Variants in KIRREL3 observed in about 807,000 individuals in gnomAD.
The protein encoded by KIRREL3 is kin of IRRE-like protein 3.
Under a neutral mutation model 89.7 loss-of-function variants are expected in KIRREL3, and 36 were observed. The ratio of observed to expected loss-of-function variants is 0.40; its 90% CI spans 0.31 to 0.53. The LOEUF is 0.53. Among genes scored for constraint, KIRREL3 ranks in the 20% least tolerant of loss-of-function variants. The probability of loss-of-function intolerance (pLI) is 0.49; values close to 1 mark genes in which losing one functional copy is unlikely to be tolerated. For synonymous variants in KIRREL3, 445 were observed against 441.4 expected (o/e 1.01, Z -0.10); for missense variants, 864 against 1,056.6 (o/e 0.82, Z 2.53).
rs1330585801 is a variant in KIRREL3 at position 126,768,509 on chromosome 11, A to G, written c.56-205597T>C. ...GACAGACAATAAAAAGACTAGACAT[A>G]CACAAGACAGATTCCAACAGTCAGA... On this transcript the variant is annotated intron_variant, in intron 1 of 16. Transcript: ENST00000525144. This position sits in a 1 kb window ranked among gnomAD's most constrained non-coding sequence, Gnocchi z 4.5. Among the ~76,000 whole-genome samples the G allele has an allele frequency of 6.6e-6, 1 of 152,246 alleles. No homozygotes were observed. Among genetic ancestry groups the G allele is most frequent in the African/African-American group, 2.4e-5 (1 of 41,456 alleles).
chr11:126,951,083 C>T (rs1028597797), intron 1 of KIRREL3, among the ~76,000 whole-genome samples: 1 of 152,196 alleles, frequency 6.6e-6, no homozygotes, highest in Non-Finnish European at 1.5e-5. Context: ...TGCAATGTAT[C>T]GTCAGATAAT....
At chr11:126,672,203 G>A (rs1263953528) in intron 1 of KIRREL3, among the ~76,000 whole-genome samples, 1 of 152,174 alleles carries the variant, frequency 6.6e-6, no homozygotes, top group Non-Finnish European at 1.5e-5. Flanking sequence ...GACTTGAACA[G>A]TAGCTGGAAA....
chr11:126,884,019 G>A (rs1439820807), intron 1 of KIRREL3, among the ~76,000 whole-genome samples: 1 of 152,188 alleles, frequency 6.6e-6, no homozygotes, highest in Non-Finnish European at 1.5e-5. Flanking sequence ...ATTGACAAGT[G>A]ATTGCAATGA....
Position 126,521,510 on chromosome 11 carries a change from G to C in KIRREL3, c.284-46C>G, listed in dbSNP as rs372354167. 11 of 1,524,818 alleles carry C rather than the reference G, an allele frequency of 7.2e-6. No individual in the cohort carries two copies. The highest frequency in any genetic ancestry group is 9.7e-6 in the Non-Finnish European group (11 of 1,128,454). The allele number at this position is 1,524,818 out of a possible 1,614,324, so 94.5% of individuals were successfully genotyped here. On this transcript the variant is annotated intron_variant, in intron 3 of 16. Transcript: ENST00000525144. The surrounding 1 kb of genome is among the most constrained non-coding windows in gnomAD (Gnocchi z 4.1). ...TCAGGGAGCTGGGGTGGGGTGGAGG[G>C]GACACCCATGACAAAGAGGCACAGA...
At chr11:126,618,726 A>C (rs987347542) in intron 1 of KIRREL3, among the ~76,000 whole-genome samples, 1 of 152,190 alleles carries the variant, frequency 6.6e-6, no homozygotes, top group Non-Finnish European at 1.5e-5. Flanking sequence ...TGAGCCACCT[A>C]GTTTCAGATA....
rs1256661397 is a variant in KIRREL3 at position 126,521,830 on chromosome 11, C to T, written c.284-366G>A. On this transcript the variant is annotated intron_variant, in intron 3 of 16. Coordinates refer to ENST00000525144, the MANE Select transcript of KIRREL3 (RefSeq NM_032531.4). The surrounding 1 kb of genome is among the most constrained non-coding windows in gnomAD (Gnocchi z 4.1). ...CAGGATCATAGCTCACTGCAGGCTC[C>T]ACTTCCCAGACTCAAACGATCCTCC... Among the ~76,000 whole-genome samples the T allele has an allele frequency of 1.2e-4, 18 of 151,986 alleles. No homozygotes were observed. The highest frequency in any genetic ancestry group is 6.2e-4 in the South Asian group (3 of 4,822).
In KIRREL3 at chr11:126,693,158, C is replaced by T. The variant is rs568363033; in HGVS notation, c.56-130246G>A. Among the ~76,000 whole-genome samples the T allele has an allele frequency of 2.6e-5, 4 of 152,330 alleles. No homozygotes were observed. The East Asian group carries it at 5.8e-4, about 22-fold the overall frequency. Reference sequence around the variant, plus strand: ...GCTGGGCCAGGCACTGTGGCTCACGCCTGTAATCCCAGTACTTTGGGAGGC... The same window carrying T: ...GCTGGGCCAGGCACTGTGGCTCACGTCTGTAATCCCAGTACTTTGGGAGGC... On this transcript the variant is annotated intron_variant, in intron 1 of 16. Coordinates refer to ENST00000525144, the MANE Select transcript of KIRREL3 (RefSeq NM_032531.4).
At chr11:126,878,347 T>TAA (rs1484959144) in intron 1 of KIRREL3, among the ~76,000 whole-genome samples, 1 of 152,122 alleles carries the variant, frequency 6.6e-6, no homozygotes, top group Non-Finnish European at 1.5e-5. Context: ...CCACCCCCAT[T>TAA]AGATATATAT....
chr11:126,424,739 C>T lies in KIRREL3; in HGVS notation c.2178G>A (p.Gln726=), dbSNP rs774222034. 3.1e-6 allele frequency: 5 copies of T among 1,613,954 alleles called. No homozygotes were observed. The highest frequency in any genetic ancestry group is 4.2e-6 in the Non-Finnish European group (5 of 1,179,912). The change falls in exon 17 of 17, where the codon CAG becomes CAA. Residue 726 remains glutamine, a synonymous_variant. Coordinates refer to ENST00000525144, the MANE Select transcript of KIRREL3 (RefSeq NM_032531.4). ...LSDSSSFLDT[Q]CDSSVSSSGK... is the part of the protein sequence containing the mutation. ...CGCTGCTGCTGACGCTGCTGTCACA[C>T]TGCGTGTCCAGGAAGGAGCTGCTGT...
At position 126,744,400 on chromosome 11, in the gene KIRREL3, C is replaced by A. The variant is rs1377409283; in HGVS notation, c.56-181488G>T. Among the ~76,000 whole-genome samples, 2 of 152,144 alleles carry A rather than the reference C, an allele frequency of 1.3e-5. No homozygotes were observed. The highest frequency in any genetic ancestry group is 2.9e-5 in the Non-Finnish European group (2 of 68,022). ...GCTGGAGGCAGGGAGGTCAGGACTG[C>A]CATACTGTCCCAGACATGCAGAACA... is the stretch of plus-strand genomic sequence containing the variant. On this transcript the variant is annotated intron_variant, in intron 1 of 16. Coordinates refer to ENST00000525144, the MANE Select transcript of KIRREL3 (RefSeq NM_032531.4). The surrounding 1 kb of genome is among the most constrained non-coding windows in gnomAD (Gnocchi z 4.7).
chr11:126,899,868 T>A (rs1299738767), intron 1 of KIRREL3, among the ~76,000 whole-genome samples: 1 of 152,200 alleles, frequency 6.6e-6, no homozygotes, highest in Non-Finnish European at 1.5e-5. Flanking sequence ...GTTGAGTTTT[T>A]AGAACAGAAA....
At position 126,526,654 on chromosome 11, in the gene KIRREL3, T is replaced by A; in HGVS notation, c.167A>T (p.Asp56Val). 6.3e-7 allele frequency: 1 copy of A among 1,578,516 alleles called. No homozygotes were observed. The highest frequency in any genetic ancestry group is 8.6e-7 in the Non-Finnish European group (1 of 1,162,156). ...QVYSFSQQPQ[D>V]QVVVSGQPVT... ...TGGCTGTCCCGACACCACCACCTGG[T>A]CCTGGGGCTGCTGGCTGAAGGAATA... The change falls in exon 3 of 17, where the codon GAC (aspartate) becomes GTC (valine). Residue 56 changes from aspartate (D) to valine (V), a missense_variant. Transcript: ENST00000525144. The surrounding 1 kb of genome is among the most constrained non-coding windows in gnomAD (Gnocchi z 5.7).
rs192355958 is a variant in KIRREL3, at chr11:126,561,064, C to T, written c.133+1771G>A. Among the ~76,000 whole-genome samples, 1 of 152,270 alleles carries T rather than the reference C, an allele frequency of 6.6e-6. No homozygotes were observed. Among genetic ancestry groups the T allele is most frequent in the Admixed American group, 6.5e-5 (1 of 15,292 alleles). ...ATCTGCAGACATGTTGGAGTTTGGG[C>T]GTATGAGCTTTAGAGAGAGAGAAAT... On this transcript the variant is annotated intron_variant, in intron 2 of 16. Transcript: ENST00000525144. The surrounding 1 kb of genome is among the most constrained non-coding windows in gnomAD (Gnocchi z 4.5).
chr11:126,765,472 C>T (rs1949794048), intron 1 of KIRREL3, among the ~76,000 whole-genome samples: 1 of 152,182 alleles, frequency 6.6e-6, no homozygotes, highest in Non-Finnish European at 1.5e-5. Flanking sequence ...TTCCTTATTA[C>T]AGGTGTTCAT....
chr11:126,785,597 G>A (rs1267149669), intron 1 of KIRREL3, among the ~76,000 whole-genome samples: 1 of 152,134 alleles, frequency 6.6e-6, no homozygotes, highest in Non-Finnish European at 1.5e-5. Context: ...CCTATAGAAG[G>A]CCAGGTGCAG....
intron 1 of KIRREL3, among the ~76,000 whole-genome samples, chr11:126,966,479 T>C (rs1200150034): frequency 2.0e-5 from 3 of 152,206 alleles, no homozygotes; most frequent in Non-Finnish European, 4.4e-5. Context: ...CTTTATATTT[T>C]ACATCATGGT....
In KIRREL3 at chr11:126,463,117, G is replaced by T. The variant is rs773300939; in HGVS notation, c.742+40C>A. ...AGGGTTGCTGGGTGTTTCACCCTGG[G>T]CCTGGCAGGGCTGGGTTGGGGGAGG... On this transcript the variant is annotated intron_variant, in intron 6 of 16. Transcript: ENST00000525144. The surrounding 1 kb of genome is among the most constrained non-coding windows in gnomAD (Gnocchi z 5.9). The T allele has an allele frequency of 3.2e-5, 51 of 1,598,186 alleles. No homozygotes were observed. In the East Asian group the frequency reaches 1.1e-3, roughly 34 times the overall value.
chr11:126,923,347 TCTTCCTTCTCCTTCTCCTTCTC>T (rs1353824407), intron 1 of KIRREL3, among the ~76,000 whole-genome samples: 1 of 133,038 alleles, frequency 7.5e-6, no homozygotes, highest in Non-Finnish European at 1.6e-5. Flanking sequence ...TCCTTCTCCT[TCTTCCTTCTCCTTCTCCTTCTC>T]CTTCTTCCTT....
At chr11:126,921,863 C>T (rs1947331153) in intron 1 of KIRREL3, among the ~76,000 whole-genome samples, 1 of 134,810 alleles carries the variant, frequency 7.4e-6, no homozygotes, top group African/African-American at 2.8e-5. Context: ...ATCTTTCTGT[C>T]ATCCTATCTA....
Sources: allele counts gnomAD v4.1 joint callset (sites outside exome capture counted in the v4.1 genomes callset), GRCh38; gene constraint gnomAD v4.1.1; non-coding constraint Gnocchi (gnomAD v3.1); transcripts MANE v1.5; gene names NCBI Gene and HGNC (gene_info 2026-07-23, HGNC 2026-07-21).